The following RIMS2 variants were observed in gnomAD, a reference collection of about 807,000 sequenced individuals.
RIMS2 encodes regulating synaptic membrane exocytosis 2.
RIMS2 carries 59 observed loss-of-function variants against 174.4 expected under a neutral mutation model. That is an observed-to-expected ratio of 0.34 (90% CI 0.27 to 0.42). RIMS2 has a LOEUF of 0.42. Ranked by LOEUF, RIMS2 falls within the 10% of genes least tolerant of loss-of-function variation. The pLI, the probability that RIMS2 is intolerant of heterozygous loss-of-function variation, is 1.00. For missense variants in RIMS2, 1,620 were observed against 1,666.3 expected (o/e 0.97, Z 0.48); for synonymous variants, 606 against 572.5 (o/e 1.06, Z -0.84).
chr8:103,659,796 C>T (rs113065941), intron 1 of RIMS2, among the ~76,000 whole-genome samples: 2 of 152,188 alleles, frequency 1.3e-5, no homozygotes, highest in Non-Finnish European at 2.9e-5. Context: ...AAGAATTGAC[C>T]TGACGAGTGG....
chr8:103,512,336 G>A (rs78035466), intron 1 of RIMS2, among the ~76,000 whole-genome samples: 4,558 of 152,290 alleles, frequency 0.03, 73 homozygotes, highest in African/African-American at 0.046. Context: ...TTGGAGCTGA[G>A]AGGCAGTAAA....
intron 1 of RIMS2, among the ~76,000 whole-genome samples, chr8:103,659,144 T>G (rs762809158): frequency 1.3e-5 from 2 of 152,186 alleles, no homozygotes; most frequent in Non-Finnish European, 2.9e-5. Flanking sequence ...GTAAGCTGTG[T>G]GCTTCTTATG....
At chr8:103,620,173 G>A (rs1006957636) in intron 1 of RIMS2, among the ~76,000 whole-genome samples, 4 of 152,052 alleles carry the variant, frequency 2.6e-5, no homozygotes, top group Non-Finnish European at 4.4e-5. Context: ...ATTAAAAGTA[G>A]TCAATAAATG....
chr8:103,564,221 G>A (rs968707200), intron 1 of RIMS2, among the ~76,000 whole-genome samples: 16 of 152,084 alleles, frequency 1.1e-4, no homozygotes, highest in East Asian at 1.9e-4. Flanking sequence ...ATATGATTAC[G>A]TGCAAAATTT....
chr8:103,979,117 A>G (rs1279404030), intron 16 of RIMS2, among the ~76,000 whole-genome samples: 2 of 152,222 alleles, frequency 1.3e-5, no homozygotes, highest in African/African-American at 4.8e-5. Flanking sequence ...ATAACTTTCA[A>G]TTATAAGTGA....
chr8:103,887,143 T>C (rs377450944), intron 4 of RIMS2, among the ~76,000 whole-genome samples: 19 of 151,924 alleles, frequency 1.3e-4, no homozygotes, highest in African/African-American at 4.6e-4. Flanking sequence ...TCTTTGTCAT[T>C]TTAATTTGAA....
intron 19 of RIMS2, among the ~76,000 whole-genome samples, chr8:104,170,029 A>G (rs896748557): frequency 6.6e-6 from 1 of 152,082 alleles, no homozygotes; most frequent in African/African-American, 2.4e-5. Flanking sequence ...CTGAGAAGAT[A>G]CTTGATATGA....
intron 14 of RIMS2, among the ~76,000 whole-genome samples, chr8:103,956,437 A>C (rs1358851766): frequency 6.6e-6 from 1 of 152,190 alleles, no homozygotes; most frequent in East Asian, 1.9e-4. Flanking sequence ...AAGCCTCAGA[A>C]ATAATGCCAC....
At chr8:103,699,501 A>C (rs2097144424) in intron 2 of RIMS2, among the ~76,000 whole-genome samples, 1 of 152,180 alleles carries the variant, frequency 6.6e-6, no homozygotes, top group Non-Finnish European at 1.5e-5. Flanking sequence ...AAGTGCTGGG[A>C]CTACAGGTGT....
intron 2 of RIMS2, among the ~76,000 whole-genome samples, chr8:103,723,813 G>T (rs1000488368): frequency 5.3e-5 from 8 of 152,200 alleles, no homozygotes; most frequent in African/African-American, 1.9e-4. Context: ...CCACAGAGCT[G>T]GCCCAGCACT....
At chr8:104,171,762 G>A (rs2098833813) in intron 19 of RIMS2, among the ~76,000 whole-genome samples, 1 of 152,014 alleles carries the variant, frequency 6.6e-6, no homozygotes, top group African/African-American at 2.4e-5. Context: ...ATTCATTTGG[G>A]TAAACTATTT....
intron 3 of RIMS2, among the ~76,000 whole-genome samples, chr8:103,841,915 AC>A (rs2098941988): frequency 6.6e-6 from 1 of 152,158 alleles, no homozygotes; most frequent in Non-Finnish European, 1.5e-5. Flanking sequence ...AGATCCTGCC[AC>A]TGCACTCCAG....
intron 16 of RIMS2, chr8:103,976,692 C>T (rs554665944): frequency 1.7e-3 from 254 of 152,110 alleles, no homozygotes; most frequent in African/African-American, 5.5e-3. Flanking sequence ...GGATTACAAG[C>T]GCACACCACC....
At chr8:103,750,602 A>G (rs2097876103) in intron 2 of RIMS2, among the ~76,000 whole-genome samples, 1 of 152,070 alleles carries the variant, frequency 6.6e-6, no homozygotes, top group Non-Finnish European at 1.5e-5. Flanking sequence ...CAAGTGTGGG[A>G]CCAAGTAGAA....
At chr8:103,721,372 A>T (rs1015046419) in intron 2 of RIMS2, among the ~76,000 whole-genome samples, 1 of 152,208 alleles carries the variant, frequency 6.6e-6, no homozygotes, top group Non-Finnish European at 1.5e-5. Context: ...GGTCTCCTAT[A>T]AAAAGGGATT....
chr8:104,245,602 A>G (rs1264154246), intron 20 of RIMS2, among the ~76,000 whole-genome samples: 1 of 152,236 alleles, frequency 6.6e-6, no homozygotes, highest in Non-Finnish European at 1.5e-5. Context: ...ACTGTCTCAG[A>G]TATTTTTAAA....
chr8:103,514,973 T>C (rs902830079), intron 1 of RIMS2, among the ~76,000 whole-genome samples: 2 of 152,082 alleles, frequency 1.3e-5, no homozygotes, highest in Non-Finnish European at 2.9e-5. Flanking sequence ...TTCATTTTTT[T>C]CTGATTGATG....
intron 19 of RIMS2, among the ~76,000 whole-genome samples, chr8:104,189,145 C>A (rs1003745415): frequency 2.6e-5 from 4 of 151,924 alleles, no homozygotes; most frequent in Non-Finnish European, 5.9e-5. Flanking sequence ...AGCAGCCAGA[C>A]TTTTCTGTAA....
chr8:104,057,555 CTTTTATTTTA>C (rs545307626), intron 19 of RIMS2, among the ~76,000 whole-genome samples: 4 of 151,732 alleles, frequency 2.6e-5, no homozygotes, highest in Non-Finnish European at 5.9e-5. Flanking sequence ...TCAGTTTCTT[CTTTTATTTTA>C]TTTTATTTTA....
Sources: allele counts gnomAD v4.1 joint callset (sites outside exome capture counted in the v4.1 genomes callset), GRCh38; gene constraint gnomAD v4.1.1; transcripts MANE v1.5; gene names NCBI Gene and HGNC (gene_info 2026-07-23, HGNC 2026-07-21).